The following NDUFB1 variants were observed in gnomAD, a reference collection of about 807,000 sequenced individuals.
NDUFB1 encodes NADH:ubiquinone oxidoreductase subunit B1, also known as NADH dehydrogenase [ubiquinone] 1 beta subcomplex subunit 1.
In NDUFB1, 6 loss-of-function variants were observed where a neutral mutation model predicts 6.7. The ratio of observed to expected loss-of-function variants is 0.89; its 90% CI spans 0.49 to 1.76. The LOEUF is 1.76. Ranked by LOEUF, NDUFB1 falls within the 40% of genes most tolerant of loss-of-function variation. NDUFB1 has a pLI of 0.01. For synonymous variants in NDUFB1, 17 were observed against 22.9 expected (o/e 0.74, Z 0.74); for missense variants, 56 against 71.0 (o/e 0.79, Z 0.76).
chr14:92,121,661 A>T lies in NDUFB1; in HGVS notation c.-25T>A. On this transcript the variant is annotated 5_prime_UTR_variant, in exon 1 of 3. Transcript: ENST00000605997. The stretch of plus-strand genomic sequence containing the variant: ...ACCCACCTGCAGCCTCAGCGCCTAC[A>T]GCGACCCCGAGACCAAGGGCAACAG... 2 of 1,605,270 alleles carry T rather than the reference A, an allele frequency of 1.2e-6. No homozygotes were observed. The highest frequency in any genetic ancestry group is 1.7e-6 in the Non-Finnish European group (2 of 1,177,120).
At chr14:92,119,346 C>A (rs1301523604) in intron 1 of NDUFB1, among the ~76,000 whole-genome samples, 1 of 151,374 alleles carries the variant, frequency 6.6e-6, no homozygotes, top group East Asian at 1.9e-4. Context: ...TTACTAGGTA[C>A]CAGAGCCATC....
In NDUFB1 at chr14:92,117,580, C is replaced by T; in HGVS notation, c.58G>A (p.Gly20Arg). 6.2e-7 allele frequency: 1 copy of T among 1,613,978 alleles called. No homozygotes were observed. Among genetic ancestry groups the T allele is most frequent in the Non-Finnish European group, 8.5e-7 (1 of 1,179,966 alleles). The change falls in exon 2 of 3, where the codon GGA (glycine) becomes AGA (arginine). Residue 20 changes from glycine to arginine, a missense_variant. Coordinates refer to ENST00000605997, the MANE Select transcript of NDUFB1 (RefSeq NM_004545.4). ...DHWVHVLVPM[G>R]FVIGCYLDRK... ...TCTAAATAACATCCAATGACAAATC[C>T]CATAGGGACAAGAACATGAACCCAG... is the stretch of plus-strand genomic sequence containing the variant.
At chr14:92,116,508 T>C (rs886167799) in intron 2 of NDUFB1, among the ~76,000 whole-genome samples, 13 of 151,826 alleles carry the variant, frequency 8.6e-5, no homozygotes, top group African/African-American at 3.1e-4. Flanking sequence ...TAATTTTTTA[T>C]ATTTTTGGTA....
Position 92,121,668 on chromosome 14 carries a change from C to T in NDUFB1, c.-32G>A. 1 of 1,611,320 alleles carries T rather than the reference C, an allele frequency of 6.2e-7. No homozygotes were observed. Among genetic ancestry groups the T allele is most frequent in the Non-Finnish European group, 8.5e-7 (1 of 1,179,222 alleles). On this transcript the variant is annotated 5_prime_UTR_variant, in exon 1 of 3. Transcript: ENST00000605997. ...TGCAGCCTCAGCGCCTACAGCGACC[C>T]CGAGACCAAGGGCAACAGGGAACTC...
Position 92,116,295 on chromosome 14 carries a change from G to C in NDUFB1, c.141-66C>G, listed in dbSNP as rs971816930. The C allele has an allele frequency of 2.3e-6, 3 of 1,291,566 alleles. No individual in the cohort carries two copies. The African/African-American group carries it at 4.5e-5, about 19-fold the overall frequency. The allele number at this position is 1,291,566 out of a possible 1,614,324, so 80.0% of individuals were successfully genotyped here. Reference sequence around the variant, plus strand: ...AATAAAACTGTGATACGAGATAAAAGGGGAAGTCAGAAGAATGATTGCAAT... The same window carrying C: ...AATAAAACTGTGATACGAGATAAAACGGGAAGTCAGAAGAATGATTGCAAT... On this transcript the variant is annotated intron_variant, in intron 2 of 2. Transcript: ENST00000605997.
intron 1 of NDUFB1, 34 bp from the exon 2 acceptor site, chr14:92,117,676 G>GATTT: frequency 2.1e-6 from 3 of 1,456,890 alleles, no homozygotes; most frequent in African/African-American, 3.6e-5. Context: ...AAATACAACT[G>GATTT]CTTTGTTTTT....
rs376178450 is a variant in NDUFB1, at chr14:92,117,289, AG to A, written c.140+208del. Among the ~76,000 whole-genome samples the A allele has an allele frequency of 3.8e-3, 572 of 152,360 alleles. 1 individual carries two copies. Among genetic ancestry groups the A allele is most frequent in the Non-Finnish European group, 5.5e-3 (373 of 68,040 alleles). On this transcript the variant is annotated intron_variant, in intron 2 of 2. Coordinates refer to ENST00000605997, the MANE Select transcript of NDUFB1 (RefSeq NM_004545.4). ...GACGATACTTTCAAAGACCTGAAAC[AG>A]CCTATTCATTAAATGAAGACTTTAA...
At chr14:92,119,323 AAAG>A (rs2068737414) in intron 1 of NDUFB1, among the ~76,000 whole-genome samples, 1 of 152,034 alleles carries the variant, frequency 6.6e-6, no homozygotes, top group Non-Finnish European at 1.5e-5. Context: ...AAAAAAAAAA[AAAG>A]ACTACTAGGT....
intron 1 of NDUFB1, 127 bp downstream of exon 1, chr14:92,121,515 C>G (rs1417403855): frequency 7.2e-7 from 1 of 1,383,330 alleles, no homozygotes; most frequent in African/African-American, 1.4e-5. Flanking sequence ...CACCTTCGTT[C>G]GGAAGCCCCG....
intron 1 of NDUFB1, chr14:92,121,364 C>G (rs1389548369): frequency 1.8e-6 from 1 of 548,384 alleles, no homozygotes. Flanking sequence ...GGTCTTCTCT[C>G]CAGTCCGGTT....
At chr14:92,118,874 TGAG>T (rs1440583544) in intron 1 of NDUFB1, 1 of 237,312 alleles carries the variant, frequency 4.2e-6, no homozygotes, top group African/African-American at 2.3e-5. Flanking sequence ...CTCAGGAGGC[TGAG>T]GCAGGAGAAT....
rs201675457 is a variant in NDUFB1 at position 92,117,584 on chromosome 14, A to G, written c.54T>C (p.Pro18=). ...AATAACATCCAATGACAAATCCCAT[A>G]GGGACAAGAACATGAACCCAGTGGT... ...VRDHWVHVLV[P]MGFVIGCYLD... Residue 18 remains proline (P), a synonymous_variant, in exon 2 of 3, where the codon CCT becomes CCC. Coordinates refer to ENST00000605997, the MANE Select transcript of NDUFB1 (RefSeq NM_004545.4). The G allele has an allele frequency of 9.9e-6, 16 of 1,614,096 alleles. No individual in the cohort carries two copies. In the Admixed American group the frequency reaches 1.8e-4, roughly 18 times the overall value.
intron 1 of NDUFB1, among the ~76,000 whole-genome samples, chr14:92,120,071 G>A (rs1483029001): frequency 7.5e-6 from 1 of 133,048 alleles, no homozygotes; most frequent in Admixed American, 7.4e-5. Context: ...ACATCATGTG[G>A]AAAATAAATT....
At chr14:92,120,448 TC>T (rs2068748507) in intron 1 of NDUFB1, 1 of 151,388 alleles carries the variant, frequency 6.6e-6, no homozygotes, top group African/African-American at 2.4e-5. Flanking sequence ...CCTCTCGGAT[TC>T]AAGGGATTCT....
chr14:92,120,844 G>A (rs994309834), intron 1 of NDUFB1, among the ~76,000 whole-genome samples: 3 of 148,088 alleles, frequency 2.0e-5, no homozygotes, highest in Non-Finnish European at 3.0e-5. Flanking sequence ...GAGCCACTAA[G>A]CCTGGCCATA....
intron 1 of NDUFB1, among the ~76,000 whole-genome samples, chr14:92,120,818 T>C (rs61975459): frequency 0.4 from 59,020 of 146,720 alleles, 12,733 homozygotes; most frequent in East Asian, 0.83. Context: ...TTCCAAAGTG[T>C]TGGGATTACA....
rs200636433 is a variant in NDUFB1 at position 92,121,628 on chromosome 14, C to G, written c.-6+14G>C. 1.2e-6 allele frequency: 2 copies of G among 1,612,600 alleles called. No individual in the cohort carries two copies. Among genetic ancestry groups the G allele is most frequent in the Non-Finnish European group, 8.5e-7 (1 of 1,179,746 alleles). On this transcript the variant is annotated intron_variant, in intron 1 of 2. Coordinates refer to ENST00000605997, the MANE Select transcript of NDUFB1 (RefSeq NM_004545.4). The stretch of plus-strand genomic sequence containing the variant: ...ATCCTCGTCGCGGCGGCCCCCCGGG[C>G]TCCCCAAACCCACCTGCAGCCTCAG...
chr14:92,120,084 A>AT (rs72530957), intron 1 of NDUFB1, among the ~76,000 whole-genome samples: 2 of 122,022 alleles, frequency 1.6e-5, no homozygotes, highest in East Asian at 6.6e-4. Context: ...AATAAATTGC[A>AT]CAATTCAATA....
intron 1 of NDUFB1, among the ~76,000 whole-genome samples, chr14:92,120,971 C>T (rs1304317709): frequency 6.6e-6 from 1 of 151,550 alleles, no homozygotes; most frequent in Non-Finnish European, 1.5e-5. Context: ...ACCAGCCTGG[C>T]CAACATAGTG....
Sources: gnomAD v4.1 joint callset for allele counts (sites outside exome capture counted in the v4.1 genomes callset) on GRCh38, gnomAD v4.1.1 for gene constraint, MANE v1.5 for transcripts, NCBI Gene and HGNC (gene_info 2026-07-23, HGNC 2026-07-21) for gene names.